LCOR: variants seen among roughly 807,000 people sequenced by gnomAD.
LCOR encodes ligand dependent nuclear receptor corepressor, also known as ligand-dependent corepressor.
LCOR carries 14 observed loss-of-function variants against 64.4 expected under a neutral mutation model. The observed-to-expected ratio is 0.22, with a 90% CI of 0.14 to 0.34. The LOEUF is 0.34. Ranked by LOEUF, LCOR falls within the 10% of genes least tolerant of loss-of-function variation. The pLI, the probability that LCOR is intolerant of heterozygous loss-of-function variation, is 1.00. For missense variants in LCOR, 1,686 were observed against 1,765.3 expected (o/e 0.96, Z 0.80); for synonymous variants, 643 against 642.5 (o/e 1.00, Z -0.01).
rs942362199 is a variant in LCOR, at chr10:96,993,265, A to G, written c.*8131A>G. 2.0e-5 allele frequency: 3 copies of G among 152,186 alleles called. No individual in the cohort carries two copies. Among genetic ancestry groups the G allele is most frequent in the African/African-American group, 7.2e-5 (3 of 41,442 alleles). 9.4% of individuals were successfully genotyped at this position (152,186 alleles called of 1,614,324 possible). On this transcript the variant is annotated 3_prime_UTR_variant, in exon 8 of 8. Transcript: ENST00000421806. ...GTCATCCATTTGAACCATAATTTGC[A>G]TATTTTCTTACGGCCTCCCTTTGTC...
intron 4 of LCOR, among the ~76,000 whole-genome samples, chr10:96,910,721 G>A (rs1455260359): frequency 6.6e-6 from 1 of 152,192 alleles, no homozygotes; most frequent in Non-Finnish European, 1.5e-5. Context: ...ATAGAGCATG[G>A]TACTGGATCT....
intron 2 of LCOR, among the ~76,000 whole-genome samples, chr10:96,892,596 A>T (rs1393963497): frequency 2.6e-5 from 4 of 152,026 alleles, no homozygotes; most frequent in Non-Finnish European, 5.9e-5. Flanking sequence ...ATTTATGAGG[A>T]CACTGCCCTT....
In LCOR at chr10:96,992,752, G is replaced by A. The variant is rs1848211982; in HGVS notation, c.*7618G>A. The stretch of plus-strand genomic sequence containing the variant: ...TAGCCCCAAGGAAATCCAAACCCAT[G>A]CTTGTGAGATATGGAGAAACCACTG... On this transcript the variant is annotated 3_prime_UTR_variant, in exon 8 of 8. Transcript: ENST00000421806. 2.6e-5 allele frequency: 4 copies of A among 152,264 alleles called. No homozygotes were observed. Among genetic ancestry groups the A allele is most frequent in the African/African-American group, 9.6e-5 (4 of 41,466 alleles). The allele number at this position is 152,264 out of a possible 1,614,324, so 9.4% of individuals were successfully genotyped here.
At chr10:96,973,993 G>A (rs1208119978) in intron 7 of LCOR, among the ~76,000 whole-genome samples, 5 of 152,102 alleles carry the variant, frequency 3.3e-5, no homozygotes, top group African/African-American at 4.8e-5. Flanking sequence ...TTAACCACAG[G>A]AATGCTTTCC....
chr10:96,885,998 C>T (rs755293020), intron 2 of LCOR, among the ~76,000 whole-genome samples: 6 of 152,194 alleles, frequency 3.9e-5, no homozygotes, highest in Non-Finnish European at 7.3e-5. Flanking sequence ...GTGCCTCAGC[C>T]TCCCGAGTAG....
chr10:96,915,949 G>T, intron 4 of LCOR: 1 of 348,816 alleles, frequency 2.9e-6, no homozygotes, highest in Non-Finnish European at 5.6e-6. Context: ...GCAGGATGCA[G>T]TGGTGCGTGG....
At chr10:96,889,123 A>G (rs1034879567) in intron 2 of LCOR, among the ~76,000 whole-genome samples, 1 of 152,206 alleles carries the variant, frequency 6.6e-6, no homozygotes, top group Non-Finnish European at 1.5e-5. Context: ...TCACCTCCCA[A>G]AAGATAGACC....
At chr10:96,870,042 TTTGTTGTTG>T (rs544201591) in intron 2 of LCOR, among the ~76,000 whole-genome samples, 1 of 150,330 alleles carries the variant, frequency 6.7e-6, no homozygotes, top group Non-Finnish European at 1.5e-5. Flanking sequence ...AAGTTCTTTG[TTTGTTGTTG>T]TTGTTGTTGT....
chr10:96,963,945 A>G (rs1847919985), intron 7 of LCOR: 1 of 152,180 alleles, frequency 6.6e-6, no homozygotes, highest in Non-Finnish European at 1.5e-5. Flanking sequence ...CTTTACTCTT[A>G]TGGACCTCAT....
Position 96,988,708 on chromosome 10 carries a change from A to G in LCOR, c.*3574A>G, listed in dbSNP as rs548505908. 8 of 152,312 alleles carry G rather than the reference A, an allele frequency of 5.3e-5. No homozygotes were observed. In the East Asian group the frequency reaches 1.5e-3, roughly 29 times the overall value. The allele number at this position is 152,312 out of a possible 1,614,324, so 9.4% of individuals were successfully genotyped here. A position where few individuals can be genotyped will look rare whatever the true frequency, so the allele number is the denominator to read the frequency against. ...GCCAAGTAGGAAAATATAGCATGCT[A>G]TGTGATACAAGCTGGAGATGCTGTA... On this transcript the variant is annotated 3_prime_UTR_variant, in exon 8 of 8. Coordinates refer to ENST00000421806, the MANE Select transcript of LCOR (RefSeq NM_001346516.2).
At chr10:96,920,541 T>C (rs1019474418) in intron 4 of LCOR, among the ~76,000 whole-genome samples, 2 of 144,704 alleles carry the variant, frequency 1.4e-5, no homozygotes, top group East Asian at 4.1e-4. Flanking sequence ...TATATGTATG[T>C]ATATTCATAT....
chr10:96,907,525 T>A (rs530069133), intron 3 of LCOR, 143 bp from the exon 4 acceptor site: 2 of 223,422 alleles, frequency 9.0e-6, no homozygotes, highest in Admixed American at 1.3e-4. Flanking sequence ...CAGTTAAGAC[T>A]TAAGAATTTA....
intron 2 of LCOR, among the ~76,000 whole-genome samples, chr10:96,855,590 A>G (rs1307720022): frequency 2.0e-5 from 3 of 151,382 alleles, no homozygotes; most frequent in Non-Finnish European, 4.4e-5. Context: ...GCCCACCACC[A>G]TACTTGGCTA....
In LCOR at chr10:96,970,639, T is replaced by TTTTA. The variant is rs1564643213; in HGVS notation, c.333-10150_333-10147dup. Among the ~76,000 whole-genome samples the TTTTA allele has an allele frequency of 2.6e-3, 360 of 139,880 alleles. 2 individuals carry two copies. The highest frequency in any genetic ancestry group is 9.3e-3 in the African/African-American group (342 of 36,702). 91.8% of individuals were successfully genotyped at this position (139,880 alleles called of 152,430 possible). ...ATTTTATTTTATTTATTTTATTTTA[T>TTTTA]TTTATTTTATTTTATTTATTTTATT... On this transcript the variant is annotated intron_variant, in intron 7 of 7. Transcript: ENST00000421806.
chr10:96,874,265 ATTC>A (rs1322761696), intron 2 of LCOR, among the ~76,000 whole-genome samples: 1 of 152,190 alleles, frequency 6.6e-6, no homozygotes, highest in Non-Finnish European at 1.5e-5. Context: ...ATCATTAAAG[ATTC>A]TTCTGATTCT....
chr10:96,946,463 A>C lies in LCOR; in HGVS notation c.-51+2218A>C, dbSNP rs548467316. Among the ~76,000 whole-genome samples the C allele has an allele frequency of 2.0e-5, 3 of 152,158 alleles. No individual in the cohort carries two copies. In the East Asian group the frequency reaches 5.8e-4, roughly 29 times the overall value. On this transcript the variant is annotated intron_variant, in intron 5 of 7. Transcript: ENST00000421806. ...AAATGTCATAATGACATTTCTTTTT[A>C]GCTTGCGTTGTCACTTGTATTAAAA...
chr10:96,922,865 G>T (rs988962339), intron 4 of LCOR, among the ~76,000 whole-genome samples: 3 of 152,116 alleles, frequency 2.0e-5, no homozygotes, highest in Non-Finnish European at 4.4e-5. Context: ...AGTCATTTGT[G>T]GTAGGTTTGT....
chr10:96,834,965 A>G lies in LCOR; in HGVS notation c.-330+1486A>G, dbSNP rs572992818. ...GCCCGGGCTGGAGTGCAGTGGCGCC[A>G]TCTCGGCTCACTGCAACCTCCGCCT... On this transcript the variant is annotated intron_variant, in intron 2 of 7. Coordinates refer to ENST00000421806, the MANE Select transcript of LCOR (RefSeq NM_001346516.2). Among the ~76,000 whole-genome samples the G allele has an allele frequency of 3.9e-5, 6 of 152,302 alleles. No individual in the cohort carries two copies. The South Asian group carries it at 1.2e-3, about 32-fold the overall frequency.
intron 2 of LCOR, among the ~76,000 whole-genome samples, chr10:96,839,370 T>A (rs894202801): frequency 4.6e-5 from 7 of 152,270 alleles, no homozygotes; most frequent in African/African-American, 1.7e-4. Context: ...CAGGATACCT[T>A]ATGAAGAGAA....
Sources: gnomAD v4.1 joint callset for allele counts (sites outside exome capture counted in the v4.1 genomes callset) on GRCh38, gnomAD v4.1.1 for gene constraint, MANE v1.5 for transcripts, NCBI Gene and HGNC (gene_info 2026-07-23, HGNC 2026-07-21) for gene names.